Variants in GDPD1 observed in about 807,000 individuals in gnomAD.
The protein encoded by GDPD1 is lysophospholipase D GDPD1.
Under a neutral mutation model 45.1 loss-of-function variants are expected in GDPD1, and 28 were observed. That is an observed-to-expected ratio of 0.62 (90% CI 0.46 to 0.85). The LOEUF is 0.85. Ranked by LOEUF, GDPD1 falls within the 40% of genes least tolerant of loss-of-function variation. The pLI, the probability that GDPD1 is intolerant of heterozygous loss-of-function variation, is 0.00. For synonymous variants in GDPD1, 139 were observed against 131.4 expected (o/e 1.06, Z -0.40); for missense variants, 256 against 364.8 (o/e 0.70, Z 2.43).
intron 2 of GDPD1, among the ~76,000 whole-genome samples, chr17:59,242,306 G>T (rs1204365359): frequency 2.0e-5 from 3 of 152,058 alleles, no homozygotes; most frequent in Non-Finnish European, 4.4e-5. Flanking sequence ...CAGTTGATTC[G>T]CCTGCCTTGG....
At chr17:59,267,983 T>TA (rs2047411671) in intron 7 of GDPD1, among the ~76,000 whole-genome samples, 1 of 152,284 alleles carries the variant, frequency 6.6e-6, no homozygotes, top group Admixed American at 6.5e-5. Flanking sequence ...CTTTTATATT[T>TA]ACGTAATTCC....
At chr17:59,231,149 C>T (rs1268832346) in intron 1 of GDPD1, among the ~76,000 whole-genome samples, 3 of 152,052 alleles carry the variant, frequency 2.0e-5, no homozygotes, top group Non-Finnish European at 4.4e-5. Context: ...GACTGGATGA[C>T]AACTGCAAGA....
intron 6 of GDPD1, among the ~76,000 whole-genome samples, chr17:59,262,597 G>A (rs1384756459): frequency 6.6e-6 from 1 of 151,226 alleles, no homozygotes; most frequent in African/African-American, 2.4e-5. Context: ...GATTTCTTGT[G>A]TAGTGATGAA....
chr17:59,251,519 C>CAA (rs112165058), intron 4 of GDPD1, among the ~76,000 whole-genome samples: 3 of 127,042 alleles, frequency 2.4e-5, no homozygotes, highest in Admixed American at 8.3e-5. Context: ...GACTGTGTCT[C>CAA]AAAAAAAAAA....
chr17:59,238,627 A>G (rs1320697222), intron 2 of GDPD1, among the ~76,000 whole-genome samples: 1 of 152,010 alleles, frequency 6.6e-6, no homozygotes, highest in Non-Finnish European at 1.5e-5. Context: ...GTTAGCCAGG[A>G]TGGCCCCGAT....
intron 1 of GDPD1, among the ~76,000 whole-genome samples, chr17:59,233,106 C>A (rs1436646245): frequency 6.6e-6 from 1 of 152,146 alleles, no homozygotes; most frequent in African/African-American, 2.4e-5. Flanking sequence ...ATCCCAGCTA[C>A]TTAGGAGGCT....
Position 59,274,779 on chromosome 17 carries a change from A to G in GDPD1, c.*1006A>G, listed in dbSNP as rs1486070228. ...GGCTACAGAGCAAGACTCCGTCTCA[A>G]AAAAAGAAAAAAAGAAAAAAAATTG... On this transcript the variant is annotated 3_prime_UTR_variant, in exon 10 of 10. Transcript: ENST00000284116. 1.3e-5 allele frequency among the ~76,000 whole-genome samples: 2 copies of G among 151,794 alleles called. No individual in the cohort carries two copies. Among genetic ancestry groups the G allele is most frequent in the East Asian group, 3.9e-4 (2 of 5,150 alleles).
At position 59,275,218 on chromosome 17, in the gene GDPD1, G is replaced by A. The variant is rs1217785582; in HGVS notation, c.*1445G>A. ...TTCTAGGTGTACCTTAGTTAAAGAG[G>A]AAAAATAAAACGGAAAAAAGCTTGG... On this transcript the variant is annotated 3_prime_UTR_variant, in exon 10 of 10. Transcript: ENST00000284116. 6.5e-7 allele frequency: 1 copy of A among 1,532,990 alleles called. No individual in the cohort carries two copies. Among genetic ancestry groups the A allele is most frequent in the East Asian group, 2.4e-5 (1 of 40,870 alleles). 95.0% of individuals were successfully genotyped at this position (1,532,990 alleles called of 1,614,324 possible).
rs918235412 is a variant in GDPD1 at position 59,275,963 on chromosome 17, A to G, written c.*2190A>G. 7 of 152,232 alleles carry G rather than the reference A, an allele frequency of 4.6e-5. No homozygotes were observed. The highest frequency in any genetic ancestry group is 1.7e-4 in the African/African-American group (7 of 41,468). 9.4% of individuals were successfully genotyped at this position (152,232 alleles called of 1,614,324 possible). ...GTTTAAACTGAAATAAAGTTTTCCA[A>G]GAACAAAGTAAGCATTCTTCATTCT... is the stretch of plus-strand genomic sequence containing the variant. On this transcript the variant is annotated 3_prime_UTR_variant, in exon 10 of 10. Coordinates refer to ENST00000284116, the MANE Select transcript of GDPD1 (RefSeq NM_182569.4).
intron 2 of GDPD1, among the ~76,000 whole-genome samples, chr17:59,235,028 A>G (rs971262400): frequency 6.6e-6 from 1 of 151,512 alleles, no homozygotes; most frequent in African/African-American, 2.4e-5. Context: ...ATAATTTCAT[A>G]TAAGTGTCTT....
chr17:59,221,445 C>CAATA (rs71145536), intron 1 of GDPD1, among the ~76,000 whole-genome samples: 15,311 of 135,124 alleles, frequency 0.11, 929 homozygotes, highest in South Asian at 0.21. Flanking sequence ...TTGAACACTG[C>CAATA]AATAAATAAA....
chr17:59,250,124 T>C (rs555319845), intron 4 of GDPD1, among the ~76,000 whole-genome samples: 1 of 152,134 alleles, frequency 6.6e-6, no homozygotes, highest in Non-Finnish European at 1.5e-5. Context: ...AAACCTCAGA[T>C]GTGTTTGATT....
At chr17:59,229,265 T>G (rs914762261) in intron 1 of GDPD1, among the ~76,000 whole-genome samples, 1 of 150,796 alleles carries the variant, frequency 6.6e-6, no homozygotes, top group Non-Finnish European at 1.5e-5. Flanking sequence ...GTGATTCTCC[T>G]GCCTCAGCCT....
At chr17:59,242,046 A>G (rs1350905922) in intron 2 of GDPD1, among the ~76,000 whole-genome samples, 1 of 152,014 alleles carries the variant, frequency 6.6e-6, no homozygotes, top group African/African-American at 2.4e-5. Context: ...AAGAGATAAT[A>G]TATTCTGGGT....
rs143306984 is a variant in GDPD1 at position 59,220,605 on chromosome 17, C to T, written c.-5C>T. ...AGGTGGGAGACTTCCCACACGGTGA[C>T]TGAGATGTCGTCCACTGCGGCTTTT... On this transcript the variant is annotated 5_prime_UTR_variant, in exon 1 of 10. Transcript: ENST00000284116. 2.6e-4 allele frequency: 422 copies of T among 1,613,172 alleles called. 2 individuals are homozygous for T. In the East Asian group the frequency reaches 7.1e-3, roughly 27 times the overall value.
intron 7 of GDPD1, among the ~76,000 whole-genome samples, chr17:59,270,303 C>T (rs1020125666): frequency 5.9e-5 from 9 of 151,770 alleles, no homozygotes; most frequent in Admixed American, 1.3e-4. Context: ...AAGCAGTTCT[C>T]CTGTCTCCGG....
chr17:59,257,891 T>C (rs2047321884), intron 6 of GDPD1, 51 bp downstream of exon 6: 7 of 1,198,716 alleles, frequency 5.8e-6, no homozygotes, highest in Non-Finnish European at 8.4e-6. Flanking sequence ...TTGTTTTGTA[T>C]CTACAAATGA....
At chr17:59,266,077 A>G (rs1172896336) in intron 6 of GDPD1, among the ~76,000 whole-genome samples, 2 of 151,674 alleles carry the variant, frequency 1.3e-5, no homozygotes, top group Admixed American at 6.6e-5. Context: ...GAGAAAATAG[A>G]TTTAAAAAAT....
chr17:59,220,900 G>A (rs2046998904), intron 1 of GDPD1, 149 bp downstream of exon 1: 5 of 916,194 alleles, frequency 5.5e-6, no homozygotes, highest in Non-Finnish European at 8.1e-6. Flanking sequence ...GGTGAAGGCT[G>A]TGTGAAGGGA....
Sources: gnomAD v4.1 joint callset for allele counts (sites outside exome capture counted in the v4.1 genomes callset) on GRCh38, gnomAD v4.1.1 for gene constraint, MANE v1.5 for transcripts, NCBI Gene and HGNC (gene_info 2026-07-23, HGNC 2026-07-21) for gene names.